The following TBRG1 variants were observed in gnomAD, a reference collection of about 807,000 sequenced individuals.
TBRG1 encodes the protein transforming growth factor beta regulator 1.
A neutral mutation model predicts 44.0 loss-of-function variants in TBRG1; 31 were observed. The ratio of observed to expected loss-of-function variants is 0.70; its 90% confidence interval spans 0.53 to 0.95. The LOEUF (loss-of-function observed/expected upper bound fraction) is 0.95, where lower values mean the gene tolerates loss of function less well. Ranked by LOEUF, TBRG1 falls within the 40% of genes least tolerant of loss-of-function variation. The pLI is 0.00. For missense variants in TBRG1, 487 were observed against 496.1 expected, an observed-to-expected ratio of 0.98 and a Z score of 0.18; for synonymous variants, 171 against 188.1, an observed-to-expected ratio of 0.91 and a Z score of 0.74.
rs1176024361 is a variant in TBRG1, at chr11:124,635,049, T to C, written c.*2811T>C. 1.3e-5 allele frequency: 2 copies of C among 152,204 alleles called. No individual in the cohort carries two copies. The highest frequency in any genetic ancestry group is 4.8e-5 in the African/African-American group (2 of 41,444). 9.4% of individuals were successfully genotyped at this position (152,204 alleles called of 1,614,324 possible). A position where few individuals can be genotyped will look rare whatever the true frequency, so the allele number is the denominator to read the frequency against. Reference sequence around the variant, plus strand: ...TGCATGGCGTCATTAACATAATCATTGCCTGAACCGTATTTTTCACACTAT... The same window carrying C: ...TGCATGGCGTCATTAACATAATCATCGCCTGAACCGTATTTTTCACACTAT... On this transcript the variant is annotated 3_prime_UTR_variant, in exon 9 of 9. Coordinates refer to ENST00000441174, the MANE Select transcript of TBRG1 (RefSeq NM_032811.3).
rs1407611326 is a variant in TBRG1 at position 124,623,127 on chromosome 11, T to A, written c.44T>A (p.Leu15Gln). The change falls in exon 1 of 9, where the codon CTG becomes CAG. Residue 15 changes from leucine (L) to glutamine (Q), a missense_variant. Leu to Gln is a moderately radical substitution (Grantham distance 113, BLOSUM62 -2). Transcript: ENST00000441174. ...DGLASSPRAPLQSSKARMKKL... is the reference protein window; with the variant it reads ...DGLASSPRAPQQSSKARMKKL... ...CTCGCTTCCTCGCCGCGGGCTCCGC[T>A]GCAGTCCAGCAAGGCCAGGATGAAA... The A allele has an allele frequency of 1.3e-6, 2 of 1,551,400 alleles. No homozygotes were observed. Among genetic ancestry groups the A allele is most frequent in the Non-Finnish European group, 1.7e-6 (2 of 1,147,002 alleles).
At position 124,634,422 on chromosome 11, in the gene TBRG1, T is replaced by A. The variant is rs892341612; in HGVS notation, c.*2184T>A. 4.6e-5 allele frequency: 7 copies of A among 152,208 alleles called. No homozygotes were observed. Among genetic ancestry groups the A allele is most frequent in the African/African-American group, 9.7e-5 (4 of 41,436 alleles). The allele number at this position is 152,208 out of a possible 1,614,324, so 9.4% of individuals were successfully genotyped here. A position where few individuals can be genotyped will look rare whatever the true frequency, so the allele number is the denominator to read the frequency against. On this transcript the variant is annotated 3_prime_UTR_variant, in exon 9 of 9. Coordinates refer to ENST00000441174, the MANE Select transcript of TBRG1 (RefSeq NM_032811.3). Reference sequence around the variant, plus strand: ...CTATCAGATTGTTAAGGATTTTTTTTAAATTTGACAACATCCAGTGTCAAT... The same window carrying A: ...CTATCAGATTGTTAAGGATTTTTTTAAAATTTGACAACATCCAGTGTCAAT...
intron 2 of TBRG1, among the ~76,000 whole-genome samples, chr11:124,625,452 G>A (rs775532552): frequency 1.1e-4 from 16 of 152,204 alleles, no homozygotes; most frequent in Admixed American, 2.6e-4. Context: ...TAGAGGAACC[G>A]TCCAGATGCA....
chr11:124,623,625 G>A (rs753966108), intron 1 of TBRG1, among the ~76,000 whole-genome samples: 1 of 152,096 alleles, frequency 6.6e-6, no homozygotes, highest in African/African-American at 2.4e-5. Flanking sequence ...TTTGCCCAAG[G>A]GTACTGTGTC....
At chr11:124,627,335 T>C (rs1252231134) in intron 5 of TBRG1, among the ~76,000 whole-genome samples, 2 of 152,214 alleles carry the variant, frequency 1.3e-5, no homozygotes. Flanking sequence ...TCAAGCCTAC[T>C]TATGTGAGGT....
intron 5 of TBRG1, among the ~76,000 whole-genome samples, chr11:124,629,479 T>C (rs925597302): frequency 6.6e-6 from 1 of 152,222 alleles, no homozygotes; most frequent in Admixed American, 6.5e-5. Context: ...CCACCATTGA[T>C]TGAAACCACT....
intron 2 of TBRG1, 36 bp downstream of exon 2, chr11:124,625,037 T>C: frequency 7.1e-7 from 1 of 1,401,020 alleles, no homozygotes; most frequent in Non-Finnish European, 9.8e-7. Flanking sequence ...GCATCACCTT[T>C]TTGGTGATTG....
Position 124,631,255 on chromosome 11 carries a change from G to C in TBRG1, c.948-20G>C. 6.5e-7 allele frequency: 1 copy of C among 1,546,900 alleles called. No individual in the cohort carries two copies. Among genetic ancestry groups the C allele is most frequent in the Non-Finnish European group, 8.7e-7 (1 of 1,149,362 alleles). ...TGTCTAGCAGATAACTCTCAAGGGT[G>C]ATTTCCCTTGATTCTGCAGTTACCA... On this transcript the variant is annotated intron_variant, in intron 7 of 8. Transcript: ENST00000441174.
intron 8 of TBRG1, 140 bp from the exon 9 acceptor site, chr11:124,631,953 C>T: frequency 1.4e-6 from 1 of 695,112 alleles, no homozygotes. Context: ...AAGTATCTGT[C>T]CTATCTTAAC....
At chr11:124,631,696 A>C (rs1942613923) in intron 8 of TBRG1, 1 of 495,858 alleles carries the variant, frequency 2.0e-6, no homozygotes, top group Non-Finnish European at 3.6e-6. Flanking sequence ...CTGGAGCAGA[A>C]CACCAGGGGA....
chr11:124,623,116 G>A lies in TBRG1; in HGVS notation c.33G>A (p.Pro11=), dbSNP rs1176130448. The A allele has an allele frequency of 3.9e-6, 6 of 1,551,012 alleles. No individual in the cohort carries two copies. The highest frequency in any genetic ancestry group is 2.6e-6 in the Non-Finnish European group (3 of 1,146,952). Residue 11 remains proline (P), a synonymous_variant, in exon 1 of 9, where the codon CCG becomes CCA. Transcript: ENST00000441174. ...TGCTGGACGGCCTCGCTTCCTCGCC[G>A]CGGGCTCCGCTGCAGTCCAGCAAGG... MSLLDGLASS[P]RAPLQSSKAR...
intron 1 of TBRG1, among the ~76,000 whole-genome samples, chr11:124,624,716 C>T (rs183044695): frequency 3.5e-4 from 54 of 152,194 alleles, no homozygotes; most frequent in Non-Finnish European, 5.6e-4. Context: ...AAAGATGTCC[C>T]GGATTGGATA....
At chr11:124,628,065 TTATA>T (rs71042445) in intron 5 of TBRG1, among the ~76,000 whole-genome samples, 1,211 of 69,468 alleles carry the variant, frequency 0.017, 25 homozygotes, top group Non-Finnish European at 0.026. Flanking sequence ...AGTAGCTGTT[TTATA>T]TATATATATA....
rs557566516 is a variant in TBRG1 at position 124,629,622 on chromosome 11, C to CT, written c.739-759dup. 8.3e-4 allele frequency among the ~76,000 whole-genome samples: 126 copies of CT among 152,278 alleles called. 1 individual carries two copies. The Middle Eastern group carries it at 0.02, about 25-fold the overall frequency. On this transcript the variant is annotated intron_variant, in intron 5 of 8. Transcript: ENST00000441174. ...CTATACTCAGTAAAAATTGCTTTGA[C>CT]TTTTTTTAGAAATCAGTAGTGCTCG...
chr11:124,626,335 C>T (rs1403616306), intron 3 of TBRG1, 138 bp from the exon 4 acceptor site: 7 of 810,874 alleles, frequency 8.6e-6, no homozygotes, highest in East Asian at 2.7e-5. Context: ...GGGCTTTGGG[C>T]GAAAGCCCCA....
intron 5 of TBRG1, among the ~76,000 whole-genome samples, chr11:124,628,880 CA>C (rs1213716636): frequency 6.6e-6 from 1 of 152,016 alleles, no homozygotes; most frequent in Non-Finnish European, 1.5e-5. Context: ...TAACATGTAA[CA>C]ATGTTCACTG....
At chr11:124,630,662 T>C (rs1281225476) in intron 6 of TBRG1, 83 bp from the exon 7 acceptor site, 2 of 1,114,430 alleles carry the variant, frequency 1.8e-6, no homozygotes, top group African/African-American at 1.5e-5. Flanking sequence ...CTTATCCTGT[T>C]TGTTCATACC....
chr11:124,627,075 G>C, intron 5 of TBRG1, 25 bp downstream of exon 5: 1 of 1,447,854 alleles, frequency 6.9e-7, no homozygotes. Flanking sequence ...AATAACCACT[G>C]TTTGTCTTTA....
chr11:124,633,269 T>C lies in TBRG1; in HGVS notation c.*1031T>C, dbSNP rs1942651699. The C allele has an allele frequency of 6.6e-6, 1 of 152,242 alleles. No individual in the cohort carries two copies. The highest frequency in any genetic ancestry group is 2.4e-5 in the African/African-American group (1 of 41,458). The allele number at this position is 152,242 out of a possible 1,614,324, so 9.4% of individuals were successfully genotyped here. On this transcript the variant is annotated 3_prime_UTR_variant, in exon 9 of 9. Coordinates refer to ENST00000441174, the MANE Select transcript of TBRG1 (RefSeq NM_032811.3). The stretch of plus-strand genomic sequence containing the variant: ...TAGTCCTGTCTTTTCATTAGCCATG[T>C]AATAATATAACTCCATGTTCCATGC...
Sources: allele counts gnomAD v4.1 joint callset (sites outside exome capture counted in the v4.1 genomes callset), GRCh38; gene constraint gnomAD v4.1.1; transcripts MANE v1.5; gene names NCBI Gene and HGNC (gene_info 2026-07-23, HGNC 2026-07-21).